Variants in SERPINE2 observed in about 807,000 individuals in gnomAD.
SERPINE2 encodes the protein serpin family E member 2.
A neutral mutation model predicts 36.3 loss-of-function variants in SERPINE2; 14 were observed. That is an observed-to-expected ratio of 0.39 (90% CI 0.25 to 0.60). SERPINE2 has a LOEUF of 0.60. SERPINE2 is among the 20% of genes least tolerant of loss of function. The pLI, the probability that SERPINE2 is intolerant of heterozygous loss-of-function variation, is 0.57. For missense variants in SERPINE2, 418 were observed against 499.6 expected, an observed-to-expected ratio of 0.84 and a Z score of 1.56; for synonymous variants, 192 against 191.8, an observed-to-expected ratio of 1.00 and a Z score of -0.01.
At chr2:223,993,367 C>T (rs910167102) in intron 3 of SERPINE2, among the ~76,000 whole-genome samples, 1 of 152,122 alleles carries the variant, frequency 6.6e-6, no homozygotes, top group Non-Finnish European at 1.5e-5. Flanking sequence ...TTCCAGTTAG[C>T]TTCCTTTTAT....
intron 1 of SERPINE2, among the ~76,000 whole-genome samples, chr2:224,035,390 G>GT (rs748298360): frequency 6.6e-5 from 6 of 90,474 alleles, no homozygotes; most frequent in Admixed American, 2.6e-4. Context: ...TTTTGTTTTT[G>GT]TTTTTGTTTT....
intron 8 of SERPINE2, among the ~76,000 whole-genome samples, chr2:223,977,078 G>A (rs1205187114): frequency 6.6e-6 from 1 of 152,092 alleles, no homozygotes; most frequent in East Asian, 1.9e-4. Flanking sequence ...TAATTGTGAG[G>A]TTCCTGAGGC....
chr2:224,038,188 C>T (rs533643186), intron 1 of SERPINE2, among the ~76,000 whole-genome samples: 1 of 152,256 alleles, frequency 6.6e-6, no homozygotes, highest in African/African-American at 2.4e-5. Context: ...AAATAAACGG[C>T]TTCTTGGCTT....
chr2:223,976,096 T>A (rs575575819), intron 8 of SERPINE2, among the ~76,000 whole-genome samples, 192 bp from the exon 9 acceptor site: 1 of 152,318 alleles, frequency 6.6e-6, no homozygotes, highest in South Asian at 2.1e-4. Context: ...ACTAGTCACA[T>A]GTGGCCAGAG....
At chr2:224,038,780 G>A (rs1039151088) in intron 1 of SERPINE2, 6 of 507,040 alleles carry the variant, frequency 1.2e-5, no homozygotes, top group African/African-American at 9.8e-5. Flanking sequence ...CGCCGGCCCC[G>A]GTGCTCCCAG....
intron 1 of SERPINE2, among the ~76,000 whole-genome samples, chr2:224,021,090 T>C (rs1280922722): frequency 1.3e-5 from 2 of 152,156 alleles, no homozygotes; most frequent in African/African-American, 2.4e-5. Context: ...AAAGAGACCA[T>C]GGATAAGGAC....
intron 1 of SERPINE2, among the ~76,000 whole-genome samples, chr2:224,025,296 A>C (rs1424263304): frequency 6.6e-6 from 1 of 151,892 alleles, no homozygotes; most frequent in Non-Finnish European, 1.5e-5. Context: ...CCCAGCTTTC[A>C]CCTCTCTTTT....
At chr2:224,013,430 C>T (rs745672647) in intron 1 of SERPINE2, among the ~76,000 whole-genome samples, 9 of 152,190 alleles carry the variant, frequency 5.9e-5, no homozygotes, top group Non-Finnish European at 1.3e-4. Context: ...ATGCAGTGTT[C>T]ACTTGCACTT....
At chr2:224,000,832 T>C (rs1411575107) in intron 2 of SERPINE2, among the ~76,000 whole-genome samples, 1 of 152,190 alleles carries the variant, frequency 6.6e-6, no homozygotes, top group Non-Finnish European at 1.5e-5. Flanking sequence ...GGTTTCCAGC[T>C]TCATCCATGT....
chr2:224,001,672 G>A lies in SERPINE2; in HGVS notation c.229C>T (p.Leu77Phe). The change falls in exon 2 of 9, where the codon CTC becomes TTC. Residue 77 changes from leucine (L) to phenylalanine (F), a missense_variant. Coordinates refer to ENST00000409304, the MANE Select transcript of SERPINE2 (RefSeq NM_001136528.2). ...LGADGRTKKQLAMVMRYGVNG... is the reference protein window; with the variant it reads ...LGADGRTKKQFAMVMRYGVNG... ...ACGCCGTATCTCATCACCATGGCGA[G>A]CTGCTTCTTGGTCCTGCCGTCCGCC... 6.2e-7 allele frequency: 1 copy of A among 1,614,094 alleles called. No homozygotes were observed.
At chr2:224,014,517 A>C (rs1474872316) in intron 1 of SERPINE2, among the ~76,000 whole-genome samples, 1 of 152,248 alleles carries the variant, frequency 6.6e-6, no homozygotes, top group Non-Finnish European at 1.5e-5. Flanking sequence ...TCAGAGGGAA[A>C]GTCAGAGGGA....
At chr2:224,005,275 A>G (rs1053190169) in intron 1 of SERPINE2, among the ~76,000 whole-genome samples, 1 of 151,658 alleles carries the variant, frequency 6.6e-6, no homozygotes, top group African/African-American at 2.4e-5. Flanking sequence ...GAAAGCTGTT[A>G]TGGGTGTTTT....
chr2:224,034,283 G>C (rs1304129575), intron 1 of SERPINE2, among the ~76,000 whole-genome samples: 1 of 152,154 alleles, frequency 6.6e-6, no homozygotes, highest in Non-Finnish European at 1.5e-5. Flanking sequence ...GGTGGTGACT[G>C]CCAGCAAGGC....
chr2:224,019,544 C>T (rs541714222), intron 1 of SERPINE2, among the ~76,000 whole-genome samples: 7 of 151,724 alleles, frequency 4.6e-5, no homozygotes, highest in Non-Finnish European at 7.4e-5. Flanking sequence ...GGACCTTGTT[C>T]ATCCTGTTCA....
chr2:224,018,372 A>G (rs559563636), intron 1 of SERPINE2, among the ~76,000 whole-genome samples: 1 of 152,234 alleles, frequency 6.6e-6, no homozygotes, highest in Non-Finnish European at 1.5e-5. Context: ...AACACATTCC[A>G]TGATAGAAGT....
chr2:224,005,327 T>A (rs534889623), intron 1 of SERPINE2, among the ~76,000 whole-genome samples: 1 of 151,988 alleles, frequency 6.6e-6, no homozygotes, highest in African/African-American at 2.4e-5. Flanking sequence ...GAGCTGTCTA[T>A]GTACAGTTTC....
intron 1 of SERPINE2, among the ~76,000 whole-genome samples, chr2:224,007,421 C>T (rs1376679919): frequency 6.6e-6 from 1 of 152,158 alleles, no homozygotes; most frequent in Non-Finnish European, 1.5e-5. Flanking sequence ...ATACTCCCCC[C>T]CATACTCAAC....
intron 1 of SERPINE2, chr2:224,031,190 C>G: frequency 1.0e-6 from 1 of 985,420 alleles, no homozygotes; most frequent in Non-Finnish European, 1.2e-6. Context: ...CAGGCTCTGG[C>G]ACTGACACAT....
At chr2:224,023,261 A>C (rs1470012767) in intron 1 of SERPINE2, among the ~76,000 whole-genome samples, 1 of 152,138 alleles carries the variant, frequency 6.6e-6, no homozygotes, top group Non-Finnish European at 1.5e-5. Flanking sequence ...AGTCTCTCTG[A>C]CCTGCAATGA....
Sources: allele counts gnomAD v4.1 joint callset (sites outside exome capture counted in the v4.1 genomes callset), GRCh38; gene constraint gnomAD v4.1.1; transcripts MANE v1.5; gene names NCBI Gene and HGNC (gene_info 2026-07-23, HGNC 2026-07-21).